TMEM178A: variants seen among roughly 807,000 people sequenced by gnomAD.
The protein encoded by TMEM178A is transmembrane protein 178A, also known as transmembrane protein 178.
A neutral mutation model predicts 29.1 loss-of-function variants in TMEM178A; 12 were observed. The ratio of observed to expected loss-of-function variants is 0.41; its 90% CI spans 0.26 to 0.67. TMEM178A has a LOEUF of 0.67. TMEM178A is among the 30% of genes least tolerant of loss of function. The pLI is 0.29. For synonymous variants in TMEM178A, 210 were observed against 187.2 expected (o/e 1.12, Z -0.99); for missense variants, 366 against 419.1 (o/e 0.87, Z 1.11).
At chr2:39,720,540 C>G (rs13416764), downstream of TMEM178A, among the ~76,000 whole-genome samples, 7,592 of 152,276 alleles carry the variant, frequency 0.05, 637 homozygotes, top group African/African-American at 0.17. Flanking sequence ...ACACCTTCCT[C>G]AAACATGCTG....
intron 3 of TMEM178A, 58 bp downstream of exon 3, chr2:39,707,244 G>T: frequency 6.5e-7 from 1 of 1,527,164 alleles, no homozygotes; most frequent in Non-Finnish European, 8.8e-7. Flanking sequence ...CTCTGCATGC[G>T]GCTAGCTAGT....
At chr2:39,732,513 A>G in the TMEM178A span, among the ~76,000 whole-genome samples, 1 of 152,132 alleles carries the variant, frequency 6.6e-6, no homozygotes, top group Admixed American at 6.5e-5. Flanking sequence ...TTACTTCAAG[A>G]TGGGCAGCTT....
At chr2:39,710,274 C>A (rs1020252371) in intron 3 of TMEM178A, among the ~76,000 whole-genome samples, 1 of 152,232 alleles carries the variant, frequency 6.6e-6, no homozygotes, top group Non-Finnish European at 1.5e-5. Flanking sequence ...CTAACAGATA[C>A]AACCTAACAT....
At chr2:39,728,286 T>G in the TMEM178A span, among the ~76,000 whole-genome samples, 1 of 152,210 alleles carries the variant, frequency 6.6e-6, no homozygotes, top group African/African-American at 2.4e-5. Context: ...ATTGTGGTTT[T>G]GATTTGCATT....
At chr2:39,684,484 C>G (rs772950339) in intron 1 of TMEM178A, among the ~76,000 whole-genome samples, 25 of 152,176 alleles carry the variant, frequency 1.6e-4, no homozygotes, top group Non-Finnish European at 2.8e-4. Flanking sequence ...TTGTATCGAG[C>G]ATTAAGCCAC....
the TMEM178A span, among the ~76,000 whole-genome samples, chr2:39,727,014 G>A: frequency 6.6e-6 from 1 of 152,194 alleles, no homozygotes; most frequent in African/African-American, 2.4e-5. Context: ...CACGTTTTGA[G>A]TTGTTTCTTT....
chr2:39,725,533 G>A, the TMEM178A span, among the ~76,000 whole-genome samples: 2 of 152,098 alleles, frequency 1.3e-5, no homozygotes, highest in African/African-American at 2.4e-5. Context: ...TGGTCAATGC[G>A]GGGGAAACTT....
the TMEM178A span, among the ~76,000 whole-genome samples, chr2:39,724,923 T>C: frequency 6.6e-6 from 1 of 152,240 alleles, no homozygotes; most frequent in African/African-American, 2.4e-5. Context: ...GGTAAATCGC[T>C]ATCATGCCAA....
chr2:39,675,009 A>G (rs1241194173), intron 1 of TMEM178A, among the ~76,000 whole-genome samples: 1 of 152,238 alleles, frequency 6.6e-6, no homozygotes, highest in Non-Finnish European at 1.5e-5. Flanking sequence ...ACTCCTGTCA[A>G]TTATCCACAA....
At chr2:39,728,920 A>G in the TMEM178A span, among the ~76,000 whole-genome samples, 1 of 152,200 alleles carries the variant, frequency 6.6e-6, no homozygotes. Context: ...AGACAACTAG[A>G]AAATATGGTA....
intron 1 of TMEM178A, among the ~76,000 whole-genome samples, chr2:39,671,050 A>C (rs1331062771): frequency 1.3e-5 from 2 of 152,204 alleles, no homozygotes; most frequent in East Asian, 1.9e-4. Context: ...GTATAAATCA[A>C]CTGGGTTTGA....
At chr2:39,726,653 C>T in the TMEM178A span, among the ~76,000 whole-genome samples, 3 of 152,100 alleles carry the variant, frequency 2.0e-5, no homozygotes, top group Non-Finnish European at 4.4e-5. Flanking sequence ...CAGTACTGGG[C>T]GTTTAGGTCT....
intron 3 of TMEM178A, among the ~76,000 whole-genome samples, chr2:39,714,067 C>G (rs1422084930): frequency 6.6e-6 from 1 of 152,164 alleles, no homozygotes; most frequent in Non-Finnish European, 1.5e-5. Flanking sequence ...TGCAAACATT[C>G]TTAGAAATGC....
In TMEM178A at chr2:39,716,213, G is replaced by A. The variant is rs1032004446; in HGVS notation, c.653-797G>A. The stretch of plus-strand genomic sequence containing the variant: ...GAGCATCTTGAGGGTCCATTGCGGT[G>A]GAATAGAAGCACCTATATCCACATG... On this transcript the variant is annotated intron_variant, in intron 3 of 3. Coordinates refer to ENST00000281961, the MANE Select transcript of TMEM178A (RefSeq NM_152390.3). Among the ~76,000 whole-genome samples the A allele has an allele frequency of 2.9e-4, 44 of 152,146 alleles. 1 individual carries two copies. Among genetic ancestry groups the A allele is most frequent in the African/African-American group, 9.9e-4 (41 of 41,416 alleles).
At chr2:39,710,879 G>C (rs17024206) in intron 3 of TMEM178A, among the ~76,000 whole-genome samples, 4,734 of 152,298 alleles carry the variant, frequency 0.031, 234 homozygotes, top group African/African-American at 0.11. Flanking sequence ...TGACAGGTTG[G>C]CTGGTTAAAA....
intron 1 of TMEM178A, among the ~76,000 whole-genome samples, chr2:39,675,715 T>G (rs1363460126): frequency 6.6e-6 from 1 of 152,210 alleles, no homozygotes; most frequent in African/African-American, 2.4e-5. Context: ...GCCAGACATT[T>G]TTTTTTTCCT....
In TMEM178A at chr2:39,717,337, T is replaced by G. The variant is rs1672591680; in HGVS notation, c.*86T>G. 12 of 1,512,122 alleles carry G rather than the reference T, an allele frequency of 7.9e-6. No homozygotes were observed. Among genetic ancestry groups the G allele is most frequent in the South Asian group, 1.3e-5 (1 of 74,328 alleles). The allele number at this position is 1,512,122 out of a possible 1,614,324, so 93.7% of individuals were successfully genotyped here. On this transcript the variant is annotated 3_prime_UTR_variant, in exon 4 of 4. Coordinates refer to ENST00000281961, the MANE Select transcript of TMEM178A (RefSeq NM_152390.3). ...AGGAGTCCAAGCACAAAGCGGTCTT[T>G]TACATTCCAACCTGTTGCCTGCCAG... is the stretch of plus-strand genomic sequence containing the variant.
chr2:39,714,628 A>G (rs1672456250), intron 3 of TMEM178A, among the ~76,000 whole-genome samples: 1 of 152,198 alleles, frequency 6.6e-6, no homozygotes, highest in Non-Finnish European at 1.5e-5. Context: ...TTCCCCAGGA[A>G]AAGCACAAAC....
the TMEM178A span, among the ~76,000 whole-genome samples, chr2:39,724,956 C>T: frequency 1.3e-5 from 2 of 152,172 alleles, no homozygotes; most frequent in Non-Finnish European, 2.9e-5. Flanking sequence ...ATAAACTGGA[C>T]TTGGGAATTG....
Sources: gnomAD v4.1 joint callset for allele counts (sites outside exome capture counted in the v4.1 genomes callset) on GRCh38, gnomAD v4.1.1 for gene constraint, MANE v1.5 for transcripts, NCBI Gene and HGNC (gene_info 2026-07-23, HGNC 2026-07-21) for gene names.